The following CPAMD8 variants were observed in gnomAD, a reference collection of about 807,000 sequenced individuals.
CPAMD8 encodes C3 and PZP-like alpha-2-macroglobulin domain-containing protein 8.
Under a neutral mutation model 224.7 loss-of-function variants are expected in CPAMD8, and 146 were observed. That is an observed-to-expected ratio of 0.65 (90% CI 0.57 to 0.75). CPAMD8 has a LOEUF of 0.75. CPAMD8 is among the 30% of genes least tolerant of loss of function. CPAMD8 has a pLI of 0.00. For synonymous variants in CPAMD8, 966 were observed against 1,044.6 expected, an observed-to-expected ratio of 0.92 and a Z score of 1.45; for missense variants, 2,301 against 2,537.5, an observed-to-expected ratio of 0.91 and a Z score of 2.00.
chr19:16,932,831 A>T, intron 23 of CPAMD8, among the ~76,000 whole-genome samples: 1 of 152,260 alleles, frequency 6.6e-6, no homozygotes. Context: ...AGGCATCCAG[A>T]TACAGGAAGC....
intron 18 of CPAMD8, among the ~76,000 whole-genome samples, chr19:16,969,873 C>CAAAAA (rs768905816): frequency 9.0e-4 from 63 of 69,714 alleles, no homozygotes; most frequent in African/African-American, 1.7e-3. Context: ...GGCTCCATCT[C>CAAAAA]AAAAAAAAAA....
At chr19:16,894,516 A>G (rs1175858964) in intron 41 of CPAMD8, 4 of 454,962 alleles carry the variant, frequency 8.8e-6, no homozygotes, top group Admixed American at 4.7e-5. Context: ...CCTGAACCCA[A>G]CTCCACGGGG....
intron 9 of CPAMD8, among the ~76,000 whole-genome samples, chr19:17,001,694 A>G (rs1599882575): frequency 6.6e-6 from 1 of 150,882 alleles, no homozygotes; most frequent in Non-Finnish European, 1.5e-5. Context: ...CTAGGGAGGG[A>G]GCGGGGCACA....
rs558937753 is a variant in CPAMD8, at chr19:16,916,917, A to G, written c.3630-2104T>C. 2.0e-4 allele frequency among the ~76,000 whole-genome samples: 30 copies of G among 152,120 alleles called. 1 individual carries two copies. The highest frequency in any genetic ancestry group is 3.9e-4 in the Admixed American group (6 of 15,268). ...GCTCATCCCCACCCCATTACCAGCT[A>G]TGCACACTGCAACCAGGGGGAAACT... On this transcript the variant is annotated intron_variant, in intron 27 of 41. Coordinates refer to ENST00000443236, the MANE Select transcript of CPAMD8 (RefSeq NM_015692.5).
intron 14 of CPAMD8, among the ~76,000 whole-genome samples, chr19:16,980,008 C>T (rs943050673): frequency 3.3e-5 from 5 of 152,128 alleles, no homozygotes; most frequent in African/African-American, 9.7e-5. Context: ...CCCTACAGTG[C>T]ACAGGACGCC....
At chr19:16,966,733 A>C (rs1254479770) in intron 18 of CPAMD8, among the ~76,000 whole-genome samples, 3 of 152,332 alleles carry the variant, frequency 2.0e-5, no homozygotes, top group African/African-American at 7.2e-5. Flanking sequence ...CCAACACATG[A>C]AAAAATGCTC....
intron 35 of CPAMD8, among the ~76,000 whole-genome samples, chr19:16,901,743 G>A (rs1263188004): frequency 1.3e-5 from 2 of 152,156 alleles, no homozygotes; most frequent in Non-Finnish European, 2.9e-5. Context: ...GGCGGGGAGG[G>A]AGGTAACTGG....
intron 3 of CPAMD8, among the ~76,000 whole-genome samples, chr19:17,014,014 C>A (rs1190904984): frequency 1.0e-5 from 1 of 100,240 alleles, no homozygotes; most frequent in African/African-American, 3.1e-5. Context: ...CTCCCTCCCT[C>A]CCTCCATCCC....
intron 3 of CPAMD8, among the ~76,000 whole-genome samples, chr19:17,017,405 C>T (rs758600539): frequency 1.3e-5 from 2 of 152,168 alleles, no homozygotes; most frequent in African/African-American, 2.4e-5. Context: ...TTCTTCTGCT[C>T]CCTGGTCCGT....
At chr19:17,014,049 C>CTCTT (rs1429502576) in intron 3 of CPAMD8, among the ~76,000 whole-genome samples, 1 of 140,642 alleles carries the variant, frequency 7.1e-6, no homozygotes, top group African/African-American at 2.6e-5. Context: ...CTTTCTCTTT[C>CTCTT]TCTTTCTTTC....
At chr19:16,896,914 C>G (rs1480304612) in intron 39 of CPAMD8, 3 of 368,058 alleles carry the variant, frequency 8.2e-6, no homozygotes, top group Non-Finnish European at 1.4e-5. Flanking sequence ...GGAGACAGGG[C>G]GTCCTGTCTG....
chr19:16,985,342 C>CGGATGGATGGAT (rs145736282), intron 13 of CPAMD8, among the ~76,000 whole-genome samples: 5,628 of 142,824 alleles, frequency 0.039, 358 homozygotes, highest in African/African-American at 0.14. Context: ...GGATGAAGGG[C>CGGATGGATGGAT]GGATGGATGG....
At chr19:16,927,953 T>G in intron 25 of CPAMD8, 56 bp downstream of exon 25, 1 of 1,320,262 alleles carries the variant, frequency 7.6e-7, no homozygotes, top group Non-Finnish European at 1.1e-6. Flanking sequence ...GCCTGGAGTC[T>G]CAACTTCGGC....
intron 13 of CPAMD8, among the ~76,000 whole-genome samples, chr19:16,986,882 G>A (rs1010086371): frequency 1.3e-5 from 2 of 151,872 alleles, no homozygotes; most frequent in Non-Finnish European, 2.9e-5. Flanking sequence ...ATGGCCAGGC[G>A]CGGTGGCTCA....
At chr19:16,963,522 G>A (rs1005321796) in intron 18 of CPAMD8, among the ~76,000 whole-genome samples, 3 of 152,160 alleles carry the variant, frequency 2.0e-5, no homozygotes, top group African/African-American at 7.2e-5. Flanking sequence ...ATGCAATACA[G>A]GAGCACCCAG....
At chr19:16,913,164 A>G (rs530781463) in intron 29 of CPAMD8, among the ~76,000 whole-genome samples, 94 of 152,266 alleles carry the variant, frequency 6.2e-4, no homozygotes, top group African/African-American at 2.2e-3. Context: ...AAGTTTCCAG[A>G]AAAATGCATT....
At chr19:16,894,406 A>T in intron 41 of CPAMD8, 1 of 456,666 alleles carries the variant, frequency 2.2e-6, no homozygotes, top group Non-Finnish European at 4.4e-6. Flanking sequence ...TGCTCTCAGC[A>T]GGGCAGCCGT....
chr19:16,893,476 C>G, intron 41 of CPAMD8, 137 bp from the exon 42 acceptor site: 1 of 608,768 alleles, frequency 1.6e-6, no homozygotes, highest in Admixed American at 3.0e-5. Flanking sequence ...AGCCTCAGAC[C>G]TTGATCTCAC....
At position 16,899,691 on chromosome 19, in the gene CPAMD8, C is replaced by T. The variant is rs575266565; in HGVS notation, c.4774-142G>A. Reference sequence around the variant, plus strand: ...GGTCTGGGTGCTGGTCAGTGCTCCCCAGGCCCTGCCAGCCTCTCAGCACCC... The same window carrying T: ...GGTCTGGGTGCTGGTCAGTGCTCCCTAGGCCCTGCCAGCCTCTCAGCACCC... On this transcript the variant is annotated intron_variant, in intron 36 of 41. Coordinates refer to ENST00000443236, the MANE Select transcript of CPAMD8 (RefSeq NM_015692.5). The surrounding 1 kb of genome is among the most constrained non-coding windows in gnomAD (Gnocchi z 5.4). 321 of 618,176 alleles carry T rather than the reference C, an allele frequency of 5.2e-4. 2 individuals carry two copies. The South Asian group carries it at 5.3e-3, about 10-fold the overall frequency. 38.3% of individuals were successfully genotyped at this position (618,176 alleles called of 1,614,324 possible).
Sources: gnomAD v4.1 joint callset for allele counts (sites outside exome capture counted in the v4.1 genomes callset) on GRCh38, gnomAD v4.1.1 for gene constraint, Gnocchi (gnomAD v3.1) non-coding constraint, MANE v1.5 for transcripts, NCBI Gene and HGNC (gene_info 2026-07-23, HGNC 2026-07-21) for gene names.